OSBPL8: variants seen among roughly 807,000 people sequenced by gnomAD.
OSBPL8 encodes the protein oxysterol-binding protein-related protein 8.
Under a neutral mutation model 125.5 loss-of-function variants are expected in OSBPL8, and 59 were observed. The observed-to-expected ratio is 0.47, with a 90% CI of 0.38 to 0.58. OSBPL8 has a LOEUF of 0.58. Among genes scored for constraint, OSBPL8 ranks in the 20% least tolerant of loss-of-function variants. OSBPL8 has a pLI of 0.00. For missense variants in OSBPL8, 758 were observed against 1,047.8 expected, an observed-to-expected ratio of 0.72 and a Z score of 3.82; for synonymous variants, 330 against 338.9, an observed-to-expected ratio of 0.97 and a Z score of 0.29.
intron 2 of OSBPL8, among the ~76,000 whole-genome samples, chr12:76,484,712 G>C (rs777425535): frequency 6.6e-6 from 1 of 152,074 alleles, no homozygotes; most frequent in Non-Finnish European, 1.5e-5. Context: ...ACTTCTCCCA[G>C]ATCTAAACAG....
At chr12:76,466,936 G>C (rs1242724120) in intron 2 of OSBPL8, among the ~76,000 whole-genome samples, 1 of 151,656 alleles carries the variant, frequency 6.6e-6, no homozygotes, top group Admixed American at 6.6e-5. Flanking sequence ...TTGCACTCCA[G>C]CCTGGACAAG....
At chr12:76,420,020 T>C (rs1869266018) in intron 4 of OSBPL8, among the ~76,000 whole-genome samples, 1 of 152,258 alleles carries the variant, frequency 6.6e-6, no homozygotes, top group Admixed American at 6.5e-5. Context: ...CCTTAACCTC[T>C]AATTTGTCCA....
intron 5 of OSBPL8, among the ~76,000 whole-genome samples, chr12:76,406,334 T>C (rs1004570632): frequency 2.0e-5 from 3 of 152,188 alleles, no homozygotes; most frequent in Admixed American, 6.5e-5. Flanking sequence ...TAAATGTATA[T>C]TTTAAAGCAA....
intron 1 of OSBPL8, among the ~76,000 whole-genome samples, chr12:76,528,884 T>C (rs1039927113): frequency 2.0e-5 from 3 of 151,936 alleles, no homozygotes; most frequent in Non-Finnish European, 2.9e-5. Context: ...AAGTAAAGTA[T>C]AGCAACTTTA....
At chr12:76,443,568 G>A (rs1173225309) in intron 4 of OSBPL8, among the ~76,000 whole-genome samples, 1 of 152,090 alleles carries the variant, frequency 6.6e-6, no homozygotes, top group South Asian at 2.1e-4. Flanking sequence ...GAGTGCAGTG[G>A]CGCGATCTTG....
intron 2 of OSBPL8, among the ~76,000 whole-genome samples, chr12:76,466,247 A>T (rs914923850): frequency 2.0e-5 from 3 of 152,232 alleles, no homozygotes; most frequent in Admixed American, 6.5e-5. Flanking sequence ...TTATTTTTAT[A>T]GTCAAAAAAG....
chr12:76,386,647 C>A lies in OSBPL8; in HGVS notation c.1366G>T (p.Glu456Ter). 1 of 1,603,820 alleles carries A rather than the reference C, an allele frequency of 6.2e-7. No homozygotes were observed. The highest frequency in any genetic ancestry group is 1.3e-5 in the African/African-American group (1 of 74,746). ...ADFLSEAALEENPYFRLKKVV... is the reference protein window; with the variant it reads ...ADFLSEAALE ...TTCTTCAAACGGAAATAAGGATTTT[C>A]TTCAAGAGCTGCCCTAAAACACAAA... The change falls in exon 13 of 24, where the codon GAA becomes TAA. Residue 456 changes from glutamate (E) to a stop codon, truncating the protein, a stop_gained. Coordinates refer to ENST00000261183, the MANE Select transcript of OSBPL8 (RefSeq NM_020841.5). LOFTEE classifies it high-confidence loss of function.
chr12:76,485,648 C>A (rs1878047838), intron 2 of OSBPL8, among the ~76,000 whole-genome samples: 3 of 152,150 alleles, frequency 2.0e-5, no homozygotes, highest in Admixed American at 1.3e-4. Context: ...TTTTAAGACA[C>A]TTTATTCAGA....
chr12:76,373,831 C>T (rs1049042467), intron 17 of OSBPL8, among the ~76,000 whole-genome samples: 2 of 151,756 alleles, frequency 1.3e-5, no homozygotes, highest in African/African-American at 4.8e-5. Flanking sequence ...TAAATAACAC[C>T]CCTTCCTTAA....
chr12:76,531,986 G>A (rs974783274), intron 1 of OSBPL8, among the ~76,000 whole-genome samples: 21 of 141,158 alleles, frequency 1.5e-4, no homozygotes, highest in Non-Finnish European at 2.7e-4. Context: ...GCAGTGAGCC[G>A]AGATCGCGCC....
intron 2 of OSBPL8, 67 bp from the exon 3 acceptor site, chr12:76,459,962 A>C (rs1480141135): frequency 6.6e-7 from 1 of 1,523,966 alleles, no homozygotes; most frequent in Non-Finnish European, 9.1e-7. Flanking sequence ...AAAATGCATC[A>C]GGACGGAAAC....
intron 2 of OSBPL8, among the ~76,000 whole-genome samples, chr12:76,482,584 G>A (rs1877633274): frequency 6.6e-6 from 1 of 151,804 alleles, no homozygotes; most frequent in Non-Finnish European, 1.5e-5. Flanking sequence ...TTGGACTCCA[G>A]CCTGGGCAAC....
chr12:76,446,656 T>C lies in OSBPL8; in HGVS notation c.217+4195A>G, dbSNP rs559561966. On this transcript the variant is annotated intron_variant, in intron 4 of 23. Transcript: ENST00000261183. ...TCAGCCTTCAACCCAAATGGAATCATTTTTTATTTAAAATACTGATGACAG... is the reference window on the plus strand; with the variant it reads ...TCAGCCTTCAACCCAAATGGAATCACTTTTTATTTAAAATACTGATGACAG... 2.2e-3 allele frequency among the ~76,000 whole-genome samples: 333 copies of C among 152,252 alleles called. 1 individual carries two copies. Among genetic ancestry groups the C allele is most frequent in the Middle Eastern group, 0.014 (4 of 294 alleles).
intron 5 of OSBPL8, 55 bp from the exon 6 acceptor site, chr12:76,402,821 C>T: frequency 2.6e-6 from 3 of 1,140,336 alleles, no homozygotes; most frequent in Non-Finnish European, 3.8e-6. Context: ...CTACACGTCG[C>T]ATAAAAATTA....
At chr12:76,411,096 C>A (rs967721853) in intron 4 of OSBPL8, among the ~76,000 whole-genome samples, 4 of 152,142 alleles carry the variant, frequency 2.6e-5, no homozygotes, top group Admixed American at 2.6e-4. Flanking sequence ...GATGAAGATA[C>A]ATACAAAGCA....
chr12:76,501,174 C>T (rs1879864588), intron 1 of OSBPL8, among the ~76,000 whole-genome samples: 1 of 151,996 alleles, frequency 6.6e-6, no homozygotes, highest in Non-Finnish European at 1.5e-5. Context: ...TTCATGTTTT[C>T]TTAGATTTAA....
intron 1 of OSBPL8, among the ~76,000 whole-genome samples, chr12:76,494,700 A>C (rs1879094305): frequency 6.6e-6 from 1 of 152,350 alleles, no homozygotes; most frequent in Admixed American, 6.5e-5. Flanking sequence ...TGGGAAAGAC[A>C]GCAGGAGGAG....
rs192271742 is a variant in OSBPL8, at chr12:76,460,657, A to G, written c.43-762T>C. 2.0e-3 allele frequency among the ~76,000 whole-genome samples: 307 copies of G among 152,288 alleles called. 1 individual carries two copies. The highest frequency in any genetic ancestry group is 3.8e-3 in the Non-Finnish European group (260 of 68,018). On this transcript the variant is annotated intron_variant, in intron 2 of 23. Transcript: ENST00000261183. ...TGAATGAAGAACTTGCAATCAACTA[A>G]AAGAAACAGGAAAAAGTCTGCTGAC... is the stretch of plus-strand genomic sequence containing the variant.
chr12:76,410,938 C>T (rs1592630123), intron 4 of OSBPL8, among the ~76,000 whole-genome samples: 1 of 152,172 alleles, frequency 6.6e-6, no homozygotes, highest in South Asian at 2.1e-4. Context: ...TTTCCAGCAA[C>T]GAATTCTAAC....
Sources: gnomAD v4.1 joint callset for allele counts (sites outside exome capture counted in the v4.1 genomes callset) on GRCh38, gnomAD v4.1.1 for gene constraint, MANE v1.5 for transcripts, NCBI Gene and HGNC (gene_info 2026-07-23, HGNC 2026-07-21) for gene names.